Variants in SCN2A observed in about 807,000 individuals in gnomAD.
The protein encoded by SCN2A is sodium voltage-gated channel alpha subunit 2, also known as sodium channel protein type 2 subunit alpha.
In SCN2A, 20 loss-of-function variants were observed where a neutral mutation model predicts 188.7. The observed-to-expected ratio is 0.11, with a 90% CI of 0.07 to 0.15. The LOEUF (loss-of-function observed/expected upper bound fraction) is 0.15. Ranked by LOEUF, SCN2A falls within the 10% of genes least tolerant of loss-of-function variation. The pLI is 1.00. For missense variants in SCN2A, 1,278 were observed against 2,445.0 expected, an observed-to-expected ratio of 0.52 and a Z score of 10.07; for synonymous variants, 804 against 833.1, an observed-to-expected ratio of 0.97 and a Z score of 0.60.
At chr2:165,297,851 T>C (rs928286967) in intron 3 of SCN2A, among the ~76,000 whole-genome samples, 1 of 152,208 alleles carries the variant, frequency 6.6e-6, no homozygotes, top group African/African-American at 2.4e-5. Flanking sequence ...ATACTCCTTA[T>C]TGAAGCACCT....
chr2:165,340,149 T>C (rs1357282576), intron 14 of SCN2A, among the ~76,000 whole-genome samples: 1 of 152,184 alleles, frequency 6.6e-6, no homozygotes, highest in Non-Finnish European at 1.5e-5. Context: ...ATAAGGATTG[T>C]AGACTAAGCA....
rs1479980028 is a variant in SCN2A at position 165,380,654 on chromosome 2, T to A, written c.4371T>A (p.Ile1457=). 6.3e-7 allele frequency: 1 copy of A among 1,588,630 alleles called. No homozygotes were observed. The highest frequency in any genetic ancestry group is 8.6e-7 in the Non-Finnish European group (1 of 1,158,292). Residue 1457 remains isoleucine (I), a synonymous_variant, in exon 24 of 27, where the codon ATT becomes ATA. Transcript: ENST00000375437. The stretch of plus-strand genomic sequence containing the variant: ...TGTATCTTTATTTTGTCATCTTTAT[T>A]ATTTTTGGTTCATTCTTTACCTTGA... ...LYMYLYFVIF[I]IFGSFFTLNL...
At chr2:165,259,521 A>G (rs968590833) in intron 1 of SCN2A, among the ~76,000 whole-genome samples, 1 of 152,196 alleles carries the variant, frequency 6.6e-6, no homozygotes, top group Non-Finnish European at 1.5e-5. Flanking sequence ...CTTTGTTATC[A>G]TTTCACAATA....
At chr2:165,310,221 T>C (rs1697355247) in intron 6 of SCN2A, 102 bp from the exon 7 acceptor site, 2 of 1,244,978 alleles carry the variant, frequency 1.6e-6, no homozygotes, top group Admixed American at 1.7e-5. Flanking sequence ...GTTGGCATTC[T>C]GCATGACATT....
intron 1 of SCN2A, chr2:165,285,515 C>A: frequency 5.7e-6 from 1 of 175,848 alleles, no homozygotes. Flanking sequence ...AAAGTAATTT[C>A]TGTGGACAAT....
chr2:165,373,375 A>G (rs1267513084), intron 21 of SCN2A, 28 bp downstream of exon 21: 2 of 1,611,988 alleles, frequency 1.2e-6, no homozygotes, highest in Admixed American at 3.3e-5. Flanking sequence ...AGAGTTTGTC[A>G]GAATTATTAT....
At chr2:165,294,088 G>T (rs1696366372) in intron 1 of SCN2A, 3 of 970,948 alleles carry the variant, frequency 3.1e-6, no homozygotes, top group Non-Finnish European at 3.6e-6. Context: ...AGTCTTCTTG[G>T]TGCCAGCTTA....
At chr2:165,339,014 G>C (rs1699163867) in intron 14 of SCN2A, among the ~76,000 whole-genome samples, 1 of 152,174 alleles carries the variant, frequency 6.6e-6, no homozygotes, top group South Asian at 2.1e-4. Flanking sequence ...GAGGTCAGGA[G>C]TTCGAGACCA....
intron 1 of SCN2A, among the ~76,000 whole-genome samples, chr2:165,276,508 A>G (rs1195015462): frequency 2.6e-5 from 4 of 152,196 alleles, no homozygotes; most frequent in African/African-American, 4.8e-5. Context: ...AAAAAATGAC[A>G]AGAAAACTTC....
intron 1 of SCN2A, among the ~76,000 whole-genome samples, chr2:165,246,422 G>T (rs568697992): frequency 2.6e-5 from 4 of 152,202 alleles, no homozygotes; most frequent in Non-Finnish European, 5.9e-5. Context: ...TTCATGGCCA[G>T]TAACTGTGGC....
chr2:165,312,139 A>C (rs1274939972), intron 8 of SCN2A, 51 bp downstream of exon 8: 1 of 1,345,618 alleles, frequency 7.4e-7, no homozygotes, highest in African/African-American at 1.4e-5. Context: ...CATCAGTGTC[A>C]ATAACCTGCC....
chr2:165,257,626 C>A (rs1446940218), intron 1 of SCN2A, among the ~76,000 whole-genome samples: 1 of 152,060 alleles, frequency 6.6e-6, no homozygotes, highest in African/African-American at 2.4e-5. Flanking sequence ...GCAAGCTCCG[C>A]CTTCCGGGTT....
intron 23 of SCN2A, among the ~76,000 whole-genome samples, chr2:165,380,021 A>C (rs1229710686): frequency 6.6e-6 from 1 of 151,850 alleles, no homozygotes; most frequent in Non-Finnish European, 1.5e-5. Context: ...ATATACCTAC[A>C]TGCAGACCTA....
At chr2:165,378,431 T>C (rs1469881932) in intron 23 of SCN2A, among the ~76,000 whole-genome samples, 3 of 151,546 alleles carry the variant, frequency 2.0e-5, no homozygotes, top group East Asian at 3.9e-4. Flanking sequence ...ATTCCAGTTA[T>C]GAGATTTTTC....
chr2:165,251,378 AG>A (rs1266471339), intron 1 of SCN2A, among the ~76,000 whole-genome samples: 6 of 152,204 alleles, frequency 3.9e-5, no homozygotes, highest in African/African-American at 1.2e-4. Context: ...AAATAATAAA[AG>A]AAAAAAGTCA....
rs765041838 is a variant in SCN2A, at chr2:165,386,850, C to T, written c.4656C>T (p.Thr1552=). The T allele has an allele frequency of 1.5e-5, 25 of 1,613,716 alleles. No homozygotes were observed. Among genetic ancestry groups the T allele is most frequent in the Admixed American group, 1.0e-4 (6 of 59,958 alleles). Residue 1552 remains threonine, a synonymous_variant, in exon 26 of 27, where the codon ACC becomes ACT. Coordinates refer to ENST00000375437, the MANE Select transcript of SCN2A (RefSeq NM_001040142.2). The part of the protein sequence containing the change: ...CLNMVTMMVE[T]DDQSQEMTNI... ...ACATGGTCACCATGATGGTGGAAAC[C>T]GATGACCAGAGTCAAGAAATGACAA...
At chr2:165,314,209 A>G in intron 10 of SCN2A, 101 bp downstream of exon 10, 2 of 1,229,754 alleles carry the variant, frequency 1.6e-6, no homozygotes, top group Non-Finnish European at 2.3e-6. Flanking sequence ...GAAATAGGTC[A>G]TATGTGTTTG....
intron 1 of SCN2A, among the ~76,000 whole-genome samples, chr2:165,254,877 A>G (rs1395093187): frequency 6.6e-6 from 1 of 151,788 alleles, no homozygotes; most frequent in Admixed American, 6.6e-5. Flanking sequence ...ACAAGTACAA[A>G]ATTACCTTAC....
chr2:165,371,375 C>G (rs764869926), intron 20 of SCN2A: 10 of 152,122 alleles, frequency 6.6e-5, no homozygotes, highest in Admixed American at 1.3e-4. Context: ...ATGAAAGATA[C>G]AAATATAAAT....
Sources: gnomAD v4.1 joint callset for allele counts (sites outside exome capture counted in the v4.1 genomes callset) on GRCh38, gnomAD v4.1.1 for gene constraint, MANE v1.5 for transcripts, NCBI Gene and HGNC (gene_info 2026-07-23, HGNC 2026-07-21) for gene names.